The following SLC28A1 variants were observed in gnomAD, a reference collection of about 807,000 sequenced individuals.
SLC28A1 encodes solute carrier family 28 member 1, also known as sodium/nucleoside cotransporter 1.
A neutral mutation model predicts 74.8 loss-of-function variants in SLC28A1; 64 were observed. The ratio of observed to expected loss-of-function variants is 0.86; its 90% CI spans 0.70 to 1.05. The LOEUF (loss-of-function observed/expected upper bound fraction) is 1.05. SLC28A1 is among the 50% of genes least tolerant of loss of function. SLC28A1 has a pLI of 0.00. For missense variants in SLC28A1, 828 were observed against 822.8 expected, an observed-to-expected ratio of 1.01 and a Z score of -0.08; for synonymous variants, 359 against 335.0, an observed-to-expected ratio of 1.07 and a Z score of -0.78.
chr15:84,931,561 A>G (rs1461216670), intron 12 of SLC28A1, among the ~76,000 whole-genome samples: 1 of 136,938 alleles, frequency 7.3e-6, no homozygotes, highest in East Asian at 2.5e-4. Context: ...CTGAGGCAGG[A>G]GAATGGTGTG....
chr15:84,919,740 T>A (rs1046867566), intron 10 of SLC28A1, among the ~76,000 whole-genome samples: 3 of 152,148 alleles, frequency 2.0e-5, no homozygotes, highest in African/African-American at 7.2e-5. Context: ...CCTAATCACC[T>A]CCTCAAGGTC....
intron 12 of SLC28A1, among the ~76,000 whole-genome samples, chr15:84,932,582 A>G (rs1053871882): frequency 1.3e-5 from 2 of 152,202 alleles, no homozygotes; most frequent in African/African-American, 4.8e-5. Context: ...GTAAGCATTC[A>G]AAGAGAGAGC....
intron 9 of SLC28A1, among the ~76,000 whole-genome samples, chr15:84,910,827 T>C (rs1006236500): frequency 1.1e-4 from 17 of 152,310 alleles, no homozygotes; most frequent in African/African-American, 4.1e-4. Context: ...CGGAGGGGCC[T>C]GAGGAGTGCG....
intron 1 of SLC28A1, chr15:84,886,078 T>C (rs1436791469): frequency 4.3e-6 from 4 of 924,968 alleles, no homozygotes; most frequent in Non-Finnish European, 5.2e-6. Context: ...ATGTTTAGTG[T>C]GAGGACTGGA....
chr15:84,952,614 G>A, the SLC28A1 span, among the ~76,000 whole-genome samples: 20 of 152,314 alleles, frequency 1.3e-4, 1 homozygote, highest in Middle Eastern at 6.8e-3. Flanking sequence ...CGCCGGGCAC[G>A]GTGGCTTACG....
rs1332898912 is a variant in SLC28A1 at position 84,945,151 on chromosome 15, C to T, written c.1901C>T (p.Ala634Val). 2 of 1,613,974 alleles carry T rather than the reference C, an allele frequency of 1.2e-6. No homozygotes were observed. Among genetic ancestry groups the T allele is most frequent in the Middle Eastern group, 1.6e-4 (1 of 6,084 alleles). Residue 634 changes from alanine (A) to valine (V), a missense_variant, in exon 19 of 19, where the codon GCC (alanine) becomes GTC (valine). Around this residue, in one of 3 missense-constraint regions of SLC28A1, gnomAD observed 53 missense variants for 44.5 expected, o/e 1.19. Transcript: ENST00000394573. Reference sequence around the variant, plus strand: ...GTCAATCCAGAGTTCAGCCCAGAGGCCCTGGACAACTGCTGTCGGTTTTAC... The same window carrying T: ...GTCAATCCAGAGTTCAGCCCAGAGGTCCTGGACAACTGCTGTCGGTTTTAC... ...QSVNPEFSPE[A>V]LDNCCRFYNH...
the SLC28A1 span, among the ~76,000 whole-genome samples, chr15:84,973,500 C>G: frequency 6.6e-6 from 1 of 152,152 alleles, no homozygotes; most frequent in East Asian, 1.9e-4. Flanking sequence ...ATATCCCACT[C>G]ATGAGTTGAA....
At chr15:84,923,949 C>T (rs1025810706) in intron 11 of SLC28A1, 36 bp from the exon 12 acceptor site, 6 of 1,613,866 alleles carry the variant, frequency 3.7e-6, no homozygotes, top group South Asian at 1.1e-5. Context: ...CCCAATCACC[C>T]CCACCCTGCT....
At chr15:84,943,758 A>G (rs999238932) in intron 16 of SLC28A1, among the ~76,000 whole-genome samples, 9 of 152,060 alleles carry the variant, frequency 5.9e-5, no homozygotes, top group African/African-American at 2.2e-4. Flanking sequence ...GCAAAACTCT[A>G]TCTCTACTAA....
intron 8 of SLC28A1, among the ~76,000 whole-genome samples, chr15:84,907,458 T>TATAGGC (rs998784777): frequency 3.9e-5 from 6 of 152,188 alleles, no homozygotes; most frequent in Admixed American, 3.9e-4. Context: ...GTGCTGGGAT[T>TATAGGC]ATAGGCATAA....
chr15:84,890,531 A>G lies in SLC28A1; in HGVS notation c.274A>G (p.Thr92Ala), dbSNP rs1421915658. 7 of 1,609,652 alleles carry G rather than the reference A, an allele frequency of 4.3e-6. No individual in the cohort carries two copies. The highest frequency in any genetic ancestry group is 3.4e-6 in the Non-Finnish European group (4 of 1,178,730). The change falls in exon 5 of 19, where the codon ACT becomes GCT. Residue 92 changes from threonine to alanine, a missense_variant. This residue lies in a region of SLC28A1 where 767 missense variants were observed against 753.5 expected (regional missense o/e 1.02). Transcript: ENST00000394573. The stretch of plus-strand genomic sequence containing the variant: ...ATGGATCGGCACAGGCCTGCTCTGC[A>G]CTGGTGAGCCTGGGGCCCAGCACTA... The part of the protein sequence containing the change: ...FRWIGTGLLC[T>A]GLSAFLLVAC...
intron 12 of SLC28A1, among the ~76,000 whole-genome samples, chr15:84,932,935 C>T (rs1431154944): frequency 6.6e-6 from 1 of 152,114 alleles, no homozygotes. Context: ...TTAGGGAGCA[C>T]CAGGAAGAAA....
At chr15:84,908,178 CTTTTTTTTTTT>C (rs71135328) in intron 8 of SLC28A1, among the ~76,000 whole-genome samples, 1 of 91,342 alleles carries the variant, frequency 1.1e-5, no homozygotes, top group South Asian at 4.3e-4. Context: ...CAGAGCATTT[CTTTTTTTTTTT>C]TTTTTTTTTT....
intron 4 of SLC28A1, among the ~76,000 whole-genome samples, chr15:84,889,128 G>T (rs1356304799): frequency 6.6e-6 from 1 of 152,146 alleles, no homozygotes; most frequent in Non-Finnish European, 1.5e-5. Flanking sequence ...GAACCAGCCA[G>T]GCCTCCCTCT....
At chr15:84,946,846 C>T (rs958585296), downstream of SLC28A1, among the ~76,000 whole-genome samples, 33 of 152,244 alleles carry the variant, frequency 2.2e-4, no homozygotes, top group African/African-American at 7.2e-4. Context: ...TGCCGCCTGC[C>T]CTGCTCCCAT....
At chr15:84,917,615 A>G (rs558137094) in intron 9 of SLC28A1, among the ~76,000 whole-genome samples, 117 of 151,986 alleles carry the variant, frequency 7.7e-4, no homozygotes, top group African/African-American at 2.7e-3. Context: ...AGCATAGCAT[A>G]CACTCTTGTG....
the SLC28A1 span, among the ~76,000 whole-genome samples, chr15:84,971,070 G>A: frequency 5.9e-5 from 9 of 152,258 alleles, no homozygotes; most frequent in South Asian, 8.3e-4. Flanking sequence ...TGATCTCAGC[G>A]AACTATTCTG....
intron 5 of SLC28A1, 60 bp downstream of exon 5, chr15:84,890,594 C>G (rs1965260180): frequency 7.4e-7 from 1 of 1,345,624 alleles, no homozygotes; most frequent in African/African-American, 1.4e-5. Flanking sequence ...CTATCCATGT[C>G]TCAGGGCAGG....
rs1227225869 is a variant in SLC28A1 at position 84,928,563 on chromosome 15, T to C, written c.1083+4453T>C. On this transcript the variant is annotated intron_variant, in intron 12 of 18. Transcript: ENST00000394573. The stretch of plus-strand genomic sequence containing the variant: ...CTTTCTTTCTTTCTTTCTTTCTTTC[T>C]TTCTTTCTTTCTTTCTTTCTTTCTT... 1.3e-3 allele frequency among the ~76,000 whole-genome samples: 31 copies of C among 24,038 alleles called. 1 individual carries two copies. Among genetic ancestry groups the C allele is most frequent in the African/African-American group, 0.011 (29 of 2,626 alleles). The allele number at this position is 24,038 out of a possible 152,430, so 15.8% of individuals were successfully genotyped here. A position where few individuals can be genotyped will look rare whatever the true frequency, so the allele number is the denominator to read the frequency against.
Sources: allele counts gnomAD v4.1 joint callset (sites outside exome capture counted in the v4.1 genomes callset), GRCh38; gene constraint gnomAD v4.1.1; regional missense constraint gnomAD v4.1.1; transcripts MANE v1.5; gene names NCBI Gene and HGNC (gene_info 2026-07-23, HGNC 2026-07-21).